DLG2: variants seen among roughly 807,000 people sequenced by gnomAD.
DLG2 encodes the protein discs large MAGUK scaffold protein 2, also known as disks large homolog 2.
Under a neutral mutation model 132.5 loss-of-function variants are expected in DLG2, and 45 were observed. The observed-to-expected ratio is 0.34, with a 90% CI of 0.27 to 0.44. The LOEUF (loss-of-function observed/expected upper bound fraction) is 0.44. DLG2 is among the 20% of genes least tolerant of loss of function. The probability of loss-of-function intolerance (pLI) is 1.00; values close to 1 mark genes in which losing one functional copy is unlikely to be tolerated. For synonymous variants in DLG2, 424 were observed against 419.6 expected (o/e 1.01, Z -0.13); for missense variants, 1,045 against 1,196.9 (o/e 0.87, Z 1.87).
At chr11:84,974,253 T>C (rs1200386697) in intron 6 of DLG2, among the ~76,000 whole-genome samples, 4 of 152,228 alleles carry the variant, frequency 2.6e-5, no homozygotes, top group Admixed American at 2.6e-4. Context: ...TTTGCTTCAG[T>C]TGTTGATCTT....
At chr11:84,184,114 T>C in intron 8 of DLG2, among the ~76,000 whole-genome samples, 1 of 152,204 alleles carries the variant, frequency 6.6e-6, no homozygotes, top group Non-Finnish European at 1.5e-5. Context: ...CTGGGTCAAA[T>C]GGTATTTTTA....
intron 3 of DLG2, among the ~76,000 whole-genome samples, chr11:85,321,756 G>T (rs1488389583): frequency 6.6e-6 from 1 of 152,008 alleles, no homozygotes; most frequent in East Asian, 1.9e-4. Flanking sequence ...AGTCAAGGAG[G>T]ATGAGGTCTA....
At chr11:84,299,373 A>T (rs1409061395) in intron 7 of DLG2, among the ~76,000 whole-genome samples, 1 of 152,216 alleles carries the variant, frequency 6.6e-6, no homozygotes, top group Non-Finnish European at 1.5e-5. Context: ...AGTTTATGGG[A>T]ATGATAACAC....
chr11:83,753,853 CATATATATA>C (rs2093499861), intron 18 of DLG2, among the ~76,000 whole-genome samples: 1 of 8,912 alleles, frequency 1.1e-4, no homozygotes, highest in South Asian at 0.011. Context: ...TCATATATAT[CATATATATA>C]TTTCATATAT....
At chr11:83,918,032 G>A (rs2077211412) in intron 15 of DLG2, among the ~76,000 whole-genome samples, 1 of 152,152 alleles carries the variant, frequency 6.6e-6, no homozygotes, top group Admixed American at 6.6e-5. Flanking sequence ...GAAAGGTAGG[G>A]TCTGAAAACA....
intron 4 of DLG2, among the ~76,000 whole-genome samples, chr11:85,172,770 G>A (rs1168482671): frequency 6.6e-6 from 1 of 152,108 alleles, no homozygotes; most frequent in Non-Finnish European, 1.5e-5. Flanking sequence ...CTAGTTTAGT[G>A]GGAACATAAT....
chr11:84,032,344 C>T (rs1481906816), intron 11 of DLG2, among the ~76,000 whole-genome samples: 3 of 152,094 alleles, frequency 2.0e-5, no homozygotes, highest in African/African-American at 7.2e-5. Context: ...AGCAAAAGAG[C>T]TTTATCACTG....
chr11:85,325,185 A>T (rs2081370007), intron 3 of DLG2, among the ~76,000 whole-genome samples: 1 of 147,648 alleles, frequency 6.8e-6, no homozygotes, highest in Admixed American at 6.7e-5. Context: ...GGCGGCAACG[A>T]GGCTGGGGGA....
chr11:83,751,917 C>G (rs1215573648), intron 18 of DLG2, among the ~76,000 whole-genome samples: 3 of 152,108 alleles, frequency 2.0e-5, no homozygotes, highest in East Asian at 3.8e-4. Context: ...TAGCATTGAG[C>G]TGGGATTTAA....
chr11:85,142,954 T>C (rs984715841), intron 5 of DLG2, among the ~76,000 whole-genome samples: 1 of 151,652 alleles, frequency 6.6e-6, no homozygotes, highest in Admixed American at 6.6e-5. Context: ...ATTTGGTTTG[T>C]GAGTATTTTG....
intron 21 of DLG2, chr11:83,486,309 A>C: frequency 1.5e-6 from 1 of 648,570 alleles, no homozygotes; most frequent in Non-Finnish European, 2.7e-6. Context: ...ACTGCAAGGT[A>C]TGTTAGACAT....
In DLG2 at chr11:83,662,722, T is replaced by C. The variant is rs117226164; in HGVS notation, c.1826-29397A>G. 1.8e-4 allele frequency among the ~76,000 whole-genome samples: 27 copies of C among 152,334 alleles called. No individual in the cohort carries two copies. The East Asian group carries it at 4.1e-3, about 23-fold the overall frequency. On this transcript the variant is annotated intron_variant, in intron 18 of 27. Coordinates refer to ENST00000376104, the MANE Select transcript of DLG2 (RefSeq NM_001142699.3). ...ACTCTGCCACCACCATGCTTCCCAC[T>C]GTATTACAAGATCAGGAAGCCCGAG...
At chr11:83,818,625 A>T (rs78005836) in intron 17 of DLG2, among the ~76,000 whole-genome samples, 4,509 of 152,304 alleles carry the variant, frequency 0.03, 100 homozygotes, top group Middle Eastern at 0.085. Context: ...ATGAATAAAC[A>T]GAGGAATGGA....
intron 19 of DLG2, among the ~76,000 whole-genome samples, chr11:83,550,087 T>C (rs2096351283): frequency 6.6e-6 from 1 of 152,206 alleles, no homozygotes; most frequent in South Asian, 2.1e-4. Context: ...TTGGTATTAT[T>C]TAAAGATACT....
At chr11:83,739,659 A>C (rs1428446488) in intron 18 of DLG2, among the ~76,000 whole-genome samples, 2 of 152,182 alleles carry the variant, frequency 1.3e-5, no homozygotes, top group African/African-American at 4.8e-5. Flanking sequence ...GATTTCCCAG[A>C]AGATAAAGTA....
At chr11:83,705,460 T>C (rs2083755109) in intron 18 of DLG2, among the ~76,000 whole-genome samples, 1 of 152,154 alleles carries the variant, frequency 6.6e-6, no homozygotes, top group Non-Finnish European at 1.5e-5. Context: ...TATTAAATAC[T>C]TGCCTCACCT....
At chr11:83,699,039 C>A (rs769568886) in intron 18 of DLG2, among the ~76,000 whole-genome samples, 18 of 152,170 alleles carry the variant, frequency 1.2e-4, no homozygotes, top group Non-Finnish European at 7.3e-5. Flanking sequence ...ATGCAAACAT[C>A]AGAAACTTTG....
intron 15 of DLG2, among the ~76,000 whole-genome samples, chr11:83,899,431 T>C (rs2072765357): frequency 6.6e-6 from 1 of 152,210 alleles, no homozygotes; most frequent in South Asian, 2.1e-4. Context: ...TGGTCTCTGA[T>C]ATGGATTAGC....
intron 5 of DLG2, among the ~76,000 whole-genome samples, chr11:85,141,940 CT>C (rs1265254668): frequency 6.6e-6 from 1 of 151,824 alleles, no homozygotes; most frequent in East Asian, 1.9e-4. Context: ...CAATACCATA[CT>C]GGTTTGGATA....
Sources: allele counts gnomAD v4.1 joint callset (sites outside exome capture counted in the v4.1 genomes callset), GRCh38; gene constraint gnomAD v4.1.1; transcripts MANE v1.5; gene names NCBI Gene and HGNC (gene_info 2026-07-23, HGNC 2026-07-21).